ZNF181: variants seen among roughly 807,000 people sequenced by gnomAD.
ZNF181 encodes zinc finger protein 181 (HHZ181).
Under a neutral mutation model 11.9 loss-of-function variants are expected in ZNF181, and 8 were observed. The observed-to-expected ratio is 0.67, with a 90% CI of 0.39 to 1.21. The LOEUF is 1.21. ZNF181 is among the 50% of genes most tolerant of loss of function. The pLI is 0.01. For synonymous variants in ZNF181, 202 were observed against 221.1 expected, an observed-to-expected ratio of 0.91 and a Z score of 0.77; for missense variants, 542 against 670.9, an observed-to-expected ratio of 0.81 and a Z score of 2.12.
At chr19:34,739,300 G>T (rs2068933422) in intron 2 of ZNF181, 32 bp downstream of exon 2, 1 of 1,609,130 alleles carries the variant, frequency 6.2e-7, no homozygotes, top group South Asian at 1.1e-5. Context: ...CTCCAGTAGG[G>T]GACACCTTTC....
Position 34,740,901 on chromosome 19 carries a change from C to T in ZNF181, c.520C>T (p.Gln174Ter), listed in dbSNP as rs761414954. The T allele has an allele frequency of 6.2e-7, 1 of 1,613,792 alleles. No individual in the cohort carries two copies. Among genetic ancestry groups the T allele is most frequent in the Admixed American group, 1.7e-5 (1 of 59,956 alleles). Reference protein sequence around the residue: ...FHSKSTLSEPQKISAEGNSHK... With the variant: ...FHSKSTLSEP ...TTCAAAGTCTACTCTTTCTGAACCA[C>T]AAAAAATTTCTGCTGAAGGGAATTC... The change falls in exon 4 of 4, where the codon CAA becomes TAA. Residue 174 changes from glutamine (Q) to a stop codon, truncating the protein, a stop_gained. Coordinates refer to ENST00000492450, the MANE Select transcript of ZNF181 (RefSeq NM_001029997.4). LOFTEE classifies it low-confidence loss of function (END_TRUNC).
chr19:34,740,182 T>C (rs1407993544), intron 3 of ZNF181, among the ~76,000 whole-genome samples: 1 of 152,238 alleles, frequency 6.6e-6, no homozygotes, highest in Non-Finnish European at 1.5e-5. Flanking sequence ...AACTGTTTAA[T>C]AACATCAATT....
At chr19:34,736,506 T>A (rs1167074288) in intron 1 of ZNF181, among the ~76,000 whole-genome samples, 1 of 152,158 alleles carries the variant, frequency 6.6e-6, no homozygotes, top group African/African-American at 2.4e-5. Context: ...AAGTTGTACA[T>A]GGATTTTGGT....
rs2068989360 is a variant in ZNF181 at position 34,742,076 on chromosome 19, T to A, written c.1695T>A (p.Ser565=). 6.4e-7 allele frequency: 1 copy of A among 1,573,800 alleles called. No homozygotes were observed. Residue 565 remains serine, a synonymous_variant, in exon 4 of 4, where the codon TCT becomes TCA. Coordinates refer to ENST00000492450, the MANE Select transcript of ZNF181 (RefSeq NM_001029997.4). The part of the protein sequence containing the change: ...DYMNHYTCEK[S]YRRETV The stretch of plus-strand genomic sequence containing the variant: ...TGAATCACTATACATGTGAGAAATC[T>A]TACAGAAGAGAAACTGTATGAAGCA...
chr19:34,738,567 A>T (rs1415428911), intron 1 of ZNF181, among the ~76,000 whole-genome samples: 2 of 150,558 alleles, frequency 1.3e-5, no homozygotes, highest in African/African-American at 4.9e-5. Flanking sequence ...TTTTTGAGAC[A>T]GAGTCTTGTT....
chr19:34,741,857 T>G lies in ZNF181; in HGVS notation c.1476T>G (p.Ile492Met). 1.2e-6 allele frequency: 2 copies of G among 1,613,892 alleles called. No individual in the cohort carries two copies. Among genetic ancestry groups the G allele is most frequent in the Non-Finnish European group, 1.7e-6 (2 of 1,179,906 alleles). Residue 492 changes from isoleucine (I) to methionine (M), a missense_variant, in exon 4 of 4, where the codon ATT (isoleucine) becomes ATG (methionine). Ile to Met is a conservative substitution (Grantham distance 10). Transcript: ENST00000492450. ...IHTGEKPYEC[I>M]KCGKTFSCSS... ...CTGGAGAGAAACCTTATGAATGTAT[T>G]AAATGTGGGAAGACCTTCAGCTGTA...
chr19:34,738,912 T>C (rs570251054), intron 1 of ZNF181, among the ~76,000 whole-genome samples: 1 of 152,360 alleles, frequency 6.6e-6, no homozygotes, highest in South Asian at 2.1e-4. Context: ...AGCTCTCATA[T>C]TTGTTTCTCA....
intron 3 of ZNF181, among the ~76,000 whole-genome samples, chr19:34,740,179 T>C (rs1302129775): frequency 1.3e-5 from 2 of 152,232 alleles, no homozygotes; most frequent in Non-Finnish European, 2.9e-5. Context: ...TGCAACTGTT[T>C]AATAACATCA....
intron 1 of ZNF181, among the ~76,000 whole-genome samples, chr19:34,738,533 G>T (rs1206756246): frequency 1.4e-5 from 2 of 146,962 alleles, no homozygotes; most frequent in Admixed American, 6.8e-5. Context: ...TAATATAAAG[G>T]TTTTTTTTTT....
Position 34,740,921 on chromosome 19 carries a change from GA to G in ZNF181, c.542del (p.Asn181IlefsTer8). 1.9e-6 allele frequency: 3 copies of G among 1,613,864 alleles called. No individual in the cohort carries two copies. The South Asian group carries it at 3.3e-5, about 18-fold the overall frequency. On this transcript the variant is annotated frameshift_variant, in exon 4 of 4. Transcript: ENST00000492450. LOFTEE classifies it low-confidence loss of function (END_TRUNC). ...AACCACAAAAAATTTCTGCTGAAGG[GA>G]ATTCACACAAATATGATATATTAAA... is the stretch of plus-strand genomic sequence containing the variant. ...SEPQKISAEG[N>X]SHKYDILKKN...
At chr19:34,738,535 T>G (rs1373073729) in intron 1 of ZNF181, among the ~76,000 whole-genome samples, 1 of 150,486 alleles carries the variant, frequency 6.6e-6, no homozygotes, top group East Asian at 1.9e-4. Context: ...ATATAAAGGT[T>G]TTTTTTTTGT....
chr19:34,739,047 A>T, intron 1 of ZNF181, 101 bp from the exon 2 acceptor site: 1 of 1,549,894 alleles, frequency 6.5e-7, no homozygotes, highest in Admixed American at 2.0e-5. Context: ...CAACTCCTGA[A>T]TCTTGTTCCA....
At chr19:34,737,731 A>G (rs2068908051) in intron 1 of ZNF181, among the ~76,000 whole-genome samples, 1 of 152,218 alleles carries the variant, frequency 6.6e-6, no homozygotes, top group African/African-American at 2.4e-5. Flanking sequence ...CCACAGAAGC[A>G]GGAGGTGGTG....
intron 2 of ZNF181, 91 bp downstream of exon 2, chr19:34,739,359 T>G: frequency 6.3e-7 from 1 of 1,583,460 alleles, no homozygotes. Flanking sequence ...ATGGCTGAAT[T>G]TCTGTAGCAT....
Position 34,739,261 on chromosome 19 carries a change from C to A in ZNF181, c.123C>A (p.Val41=). 2 of 1,613,756 alleles carry A rather than the reference C, an allele frequency of 1.2e-6. No homozygotes were observed. The highest frequency in any genetic ancestry group is 2.2e-5 in the South Asian group (2 of 91,062). The change falls in exon 2 of 4, where the codon GTC becomes GTA. Residue 41 remains valine, a synonymous_variant. Coordinates refer to ENST00000492450, the MANE Select transcript of ZNF181 (RefSeq NM_001029997.4). The stretch of plus-strand genomic sequence containing the variant: ...TGGTCCAGAATTATGAGAACCTGGT[C>A]TCTGTAGGTAAGGATATTACCCCTT... The part of the protein sequence containing the change: ...DVMVQNYENL[V]SVAGLSVTKP...
intron 1 of ZNF181, among the ~76,000 whole-genome samples, chr19:34,738,470 C>A (rs2068918414): frequency 6.6e-6 from 1 of 152,192 alleles, no homozygotes; most frequent in African/African-American, 2.4e-5. Flanking sequence ...AAGTTCAATA[C>A]ACGCGTTTTG....
In ZNF181 at chr19:34,741,189, T is replaced by A. The variant is rs376189214; in HGVS notation, c.808T>A (p.Cys270Ser). The change falls in exon 4 of 4, where the codon TGT (cysteine) becomes AGT (serine). Residue 270 changes from cysteine (C) to serine (S), a missense_variant. Transcript: ENST00000492450. ...AGAGAAGCCCTATGAATGTCGTGAA[T>A]GTGGGAAGACTTTTAGCCATGGCTC... Reference protein sequence around the residue: ...TGEKPYECRECGKTFSHGSSL... With the variant: ...TGEKPYECRESGKTFSHGSSL... 5 of 1,614,086 alleles carry A rather than the reference T, an allele frequency of 3.1e-6. No individual in the cohort carries two copies. Among genetic ancestry groups the A allele is most frequent in the Non-Finnish European group, 4.2e-6 (5 of 1,179,958 alleles).
intron 1 of ZNF181, among the ~76,000 whole-genome samples, chr19:34,736,464 CTTCTAAACACTTAGGAAGT>C (rs1188842384): frequency 8.5e-5 from 13 of 152,166 alleles, no homozygotes; most frequent in African/African-American, 2.9e-4. Context: ...ATTGGTTCAT[CTTCTAAACACTTAGGAAGT>C]ATCTGTTAGG....
At chr19:34,736,452 T>C (rs933316647) in intron 1 of ZNF181, among the ~76,000 whole-genome samples, 21 of 152,166 alleles carry the variant, frequency 1.4e-4, no homozygotes, top group Non-Finnish European at 3.1e-4. Context: ...CCAAAATCAT[T>C]CATTGGTTCA....
Sources: gnomAD v4.1 joint callset for allele counts (sites outside exome capture counted in the v4.1 genomes callset) on GRCh38, gnomAD v4.1.1 for gene constraint, MANE v1.5 for transcripts, NCBI Gene and HGNC (gene_info 2026-07-23, HGNC 2026-07-21) for gene names.